Variants in MECOM observed in about 807,000 individuals in gnomAD.
MECOM encodes the protein MDS1 and EVI1 complex locus.
Under a neutral mutation model 116.3 loss-of-function variants are expected in MECOM, and 13 were observed. The ratio of observed to expected loss-of-function variants is 0.11; its 90% confidence interval spans 0.07 to 0.18. The LOEUF (loss-of-function observed/expected upper bound fraction) is 0.18, where lower values mean the gene tolerates loss of function less well. Among genes scored for constraint, MECOM ranks in the 10% least tolerant of loss-of-function variants. The probability of loss-of-function intolerance (pLI) is 1.00; values close to 1 mark genes in which losing one functional copy is unlikely to be tolerated. For synonymous variants in MECOM, 528 were observed against 535.2 expected (o/e 0.99, Z 0.19); for missense variants, 1,299 against 1,509.0 (o/e 0.86, Z 2.31).
intron 2 of MECOM, among the ~76,000 whole-genome samples, chr3:169,290,633 T>C (rs1560094434): frequency 6.6e-6 from 1 of 152,184 alleles, no homozygotes; most frequent in Admixed American, 6.5e-5. Context: ...AGCTGTGCTC[T>C]TAAAAACTGT....
intron 2 of MECOM, among the ~76,000 whole-genome samples, chr3:169,278,957 T>A (rs139190122): frequency 6.6e-6 from 1 of 152,234 alleles, no homozygotes; most frequent in Non-Finnish European, 1.5e-5. Context: ...TATGTTGCAC[T>A]GTGCTCTGGC....
At chr3:169,516,076 G>T (rs1329791639) in intron 1 of MECOM, among the ~76,000 whole-genome samples, 3 of 152,062 alleles carry the variant, frequency 2.0e-5, no homozygotes, top group Non-Finnish European at 1.5e-5. Flanking sequence ...CTCATGAGAA[G>T]TATTTAAGGA....
intron 2 of MECOM, among the ~76,000 whole-genome samples, chr3:169,367,349 AT>A (rs3980666): frequency 3.3e-5 from 5 of 150,416 alleles, no homozygotes; most frequent in Admixed American, 6.6e-5. Flanking sequence ...TTGGTTTTTA[AT>A]TTTTTTTTTG....
intron 4 of MECOM, among the ~76,000 whole-genome samples, chr3:169,128,666 T>C (rs1375817959): frequency 6.6e-6 from 1 of 152,204 alleles, no homozygotes; most frequent in Non-Finnish European, 1.5e-5. Flanking sequence ...TCATCATCAC[T>C]AATAATGGGA....
intron 1 of MECOM, among the ~76,000 whole-genome samples, chr3:169,509,031 A>C (rs1755634302): frequency 2.0e-5 from 3 of 152,236 alleles, no homozygotes; most frequent in Admixed American, 2.0e-4. Context: ...AATACAAACA[A>C]ATTCAAGGAA....
At chr3:169,313,438 A>C (rs1719164535) in intron 2 of MECOM, among the ~76,000 whole-genome samples, 2 of 152,206 alleles carry the variant, frequency 1.3e-5, no homozygotes. Flanking sequence ...AGCGGGAGAG[A>C]AAATCAGATG....
chr3:169,653,708 T>C (rs1775191956), intron 1 of MECOM, among the ~76,000 whole-genome samples: 2 of 152,182 alleles, frequency 1.3e-5, no homozygotes, highest in Admixed American at 6.5e-5. Flanking sequence ...TAAAATAATG[T>C]ATTGAACTCT....
chr3:169,165,345 A>T (rs1339997472), intron 2 of MECOM, among the ~76,000 whole-genome samples: 1 of 152,194 alleles, frequency 6.6e-6, no homozygotes, highest in Admixed American at 6.5e-5. Context: ...AGGAGATGCA[A>T]TATAACCAAA....
intron 1 of MECOM, among the ~76,000 whole-genome samples, chr3:169,407,928 A>G (rs1354981889): frequency 1.3e-5 from 2 of 152,222 alleles, no homozygotes; most frequent in African/African-American, 2.4e-5. Context: ...GTTTGGATCC[A>G]TCTACTTATT....
At chr3:169,316,197 A>G (rs562655497) in intron 2 of MECOM, among the ~76,000 whole-genome samples, 6 of 152,252 alleles carry the variant, frequency 3.9e-5, no homozygotes, top group Admixed American at 6.5e-5. Flanking sequence ...TGTATAATTT[A>G]CAAACTTCTG....
chr3:169,378,960 G>A (rs1436070682), intron 2 of MECOM, among the ~76,000 whole-genome samples: 1 of 151,304 alleles, frequency 6.6e-6, no homozygotes, highest in Non-Finnish European at 1.5e-5. Flanking sequence ...TTTCAAAAAT[G>A]AAGGCATATC....
chr3:169,323,222 C>A lies in MECOM; in HGVS notation c.375+57965G>T, dbSNP rs140823917. ...ATCCTCCCTAGGATCTACCTTGACC[C>A]AGAAGGAACCAGCTTGAGGAGGTCA... On this transcript the variant is annotated intron_variant, in intron 2 of 16. Coordinates refer to ENST00000651503, the MANE Select transcript of MECOM (RefSeq NM_004991.4). 2.0e-5 allele frequency among the ~76,000 whole-genome samples: 3 copies of A among 152,192 alleles called. No homozygotes were observed. The East Asian group carries it at 5.8e-4, about 29-fold the overall frequency.
chr3:169,608,818 G>A (rs1466630307), intron 1 of MECOM, among the ~76,000 whole-genome samples: 1 of 152,110 alleles, frequency 6.6e-6, no homozygotes, highest in Admixed American at 6.5e-5. Flanking sequence ...GACTAAAATT[G>A]TTTTTAGCCA....
chr3:169,310,864 T>G (rs1468991447), intron 2 of MECOM, among the ~76,000 whole-genome samples: 1 of 152,142 alleles, frequency 6.6e-6, no homozygotes, highest in Non-Finnish European at 1.5e-5. Flanking sequence ...TGCTTGAGAG[T>G]AGGTTCACAG....
At chr3:169,236,236 G>C (rs575388133) in intron 2 of MECOM, among the ~76,000 whole-genome samples, 1 of 152,162 alleles carries the variant, frequency 6.6e-6, no homozygotes, top group East Asian at 1.9e-4. Context: ...ACTTATAAAG[G>C]GCTTATTGGA....
At chr3:169,309,485 A>G (rs1020543314) in intron 2 of MECOM, among the ~76,000 whole-genome samples, 1 of 152,202 alleles carries the variant, frequency 6.6e-6, no homozygotes, top group African/African-American at 2.4e-5. Context: ...CTGGAAATCA[A>G]TGACAATTAC....
chr3:169,161,222 G>A (rs941022545), intron 2 of MECOM, among the ~76,000 whole-genome samples: 1 of 152,158 alleles, frequency 6.6e-6, no homozygotes, highest in Admixed American at 6.5e-5. Context: ...CCTATAGTTA[G>A]TCATAAGGGA....
chr3:169,142,027 A>G (rs1360793156), intron 3 of MECOM, among the ~76,000 whole-genome samples: 1 of 151,982 alleles, frequency 6.6e-6, no homozygotes, highest in East Asian at 1.9e-4. Flanking sequence ...TTTACAATGT[A>G]TATTTCAAAA....
At chr3:169,589,879 AG>A (rs1400764214) in intron 1 of MECOM, among the ~76,000 whole-genome samples, 1 of 152,250 alleles carries the variant, frequency 6.6e-6, no homozygotes, top group Non-Finnish European at 1.5e-5. Context: ...AGTGTTTCTA[AG>A]GCTGATTCCC....
Sources: gnomAD v4.1 joint callset for allele counts (sites outside exome capture counted in the v4.1 genomes callset) on GRCh38, gnomAD v4.1.1 for gene constraint, MANE v1.5 for transcripts, NCBI Gene and HGNC (gene_info 2026-07-23, HGNC 2026-07-21) for gene names.